Variants in RELCH observed in about 807,000 individuals in gnomAD.
The protein encoded by RELCH is RAB11-binding protein RELCH.
RELCH carries 41 observed loss-of-function variants against 150.3 expected under a neutral mutation model. The observed-to-expected ratio is 0.27, with a 90% confidence interval of 0.21 to 0.35. RELCH has a LOEUF of 0.35. Among genes scored for constraint, RELCH ranks in the 10% least tolerant of loss-of-function variants. RELCH has a pLI of 1.00. For missense variants in RELCH, 1,092 were observed against 1,467.8 expected (o/e 0.74, Z 4.18); for synonymous variants, 478 against 531.8 (o/e 0.90, Z 1.39).
chr18:62,277,953 T>C, intron 22 of RELCH: 1 of 529,856 alleles, frequency 1.9e-6, no homozygotes, highest in African/African-American at 2.0e-5. Flanking sequence ...CAGAGTTCCT[T>C]TGCAGGCCCT....
intron 1 of RELCH, among the ~76,000 whole-genome samples, chr18:62,204,581 C>T (rs977934168): frequency 1.3e-5 from 2 of 152,180 alleles, no homozygotes; most frequent in African/African-American, 4.8e-5. Context: ...CCGCCTCAGC[C>T]TCCCAAAGCG....
intron 18 of RELCH, 139 bp downstream of exon 18, chr18:62,264,991 G>T: frequency 7.9e-6 from 5 of 629,506 alleles, no homozygotes; most frequent in African/African-American, 1.9e-5. Flanking sequence ...TACTATGATA[G>T]TAAAAAAAAG....
intron 2 of RELCH, among the ~76,000 whole-genome samples, chr18:62,213,325 T>G (rs1215913358): frequency 6.6e-6 from 1 of 152,200 alleles, no homozygotes; most frequent in Non-Finnish European, 1.5e-5. Flanking sequence ...TTAAAACTTA[T>G]ATTTTAGATT....
chr18:62,235,906 T>C (rs908893777), intron 10 of RELCH, among the ~76,000 whole-genome samples: 6 of 152,028 alleles, frequency 3.9e-5, no homozygotes, highest in African/African-American at 9.7e-5. Context: ...CGTAGAGAGA[T>C]AGTTTTGCTT....
chr18:62,218,228 C>A (rs561019395), intron 2 of RELCH, among the ~76,000 whole-genome samples: 1 of 151,836 alleles, frequency 6.6e-6, no homozygotes, highest in East Asian at 1.9e-4. Context: ...AAAATTCTGA[C>A]TTGAAAGAAG....
chr18:62,237,006 A>G (rs1315893998), intron 10 of RELCH, among the ~76,000 whole-genome samples: 4 of 151,440 alleles, frequency 2.6e-5, no homozygotes, highest in Non-Finnish European at 4.4e-5. Flanking sequence ...ATTTTCATTC[A>G]TCTCAATGTT....
chr18:62,237,458 G>A (rs542716111), intron 10 of RELCH, among the ~76,000 whole-genome samples: 2 of 151,836 alleles, frequency 1.3e-5, no homozygotes, highest in Non-Finnish European at 3.0e-5. Flanking sequence ...ATTCAAATAT[G>A]TGATCTTTTC....
chr18:62,289,152 A>G lies in RELCH; in HGVS notation c.3370+1685A>G, dbSNP rs367763867. 6.6e-5 allele frequency among the ~76,000 whole-genome samples: 10 copies of G among 152,280 alleles called. No individual in the cohort carries two copies. In the East Asian group the frequency reaches 1.3e-3, roughly 21 times the overall value. On this transcript the variant is annotated intron_variant, in intron 26 of 28. Coordinates refer to ENST00000644646, the MANE Select transcript of RELCH (RefSeq NM_001346231.2). ...TTATTGTGTGTTTAGACATGCATAG[A>G]ATATCACTAGAGTAAATACAGTAAA... is the stretch of plus-strand genomic sequence containing the variant.
At chr18:62,225,579 A>C (rs1330216266) in intron 5 of RELCH, among the ~76,000 whole-genome samples, 1 of 152,058 alleles carries the variant, frequency 6.6e-6, no homozygotes, top group Non-Finnish European at 1.5e-5. Flanking sequence ...TAAGCACGTG[A>C]AAAAGATTCT....
In RELCH at chr18:62,188,078, T is replaced by C. The variant is rs2038275259; in HGVS notation, c.526+47T>C. 4 of 1,487,768 alleles carry C rather than the reference T, an allele frequency of 2.7e-6. No homozygotes were observed. In the South Asian group the frequency reaches 4.1e-5, roughly 15 times the overall value. The allele number at this position is 1,487,768 out of a possible 1,614,324, so 92.2% of individuals were successfully genotyped here. On this transcript the variant is annotated intron_variant, in intron 1 of 28. Coordinates refer to ENST00000644646, the MANE Select transcript of RELCH (RefSeq NM_001346231.2). ...CACTCCGGCAGGGTATTTGGGATTG[T>C]ACGGAGTTACTGTAGGGGAGAGGGG...
chr18:62,300,187 T>G (rs1420904283), intron 28 of RELCH: 1 of 152,256 alleles, frequency 6.6e-6, no homozygotes, highest in African/African-American at 2.4e-5. Context: ...ATTGCATTTC[T>G]CTTCTGTCTT....
In RELCH at chr18:62,200,964, C is replaced by CT. The variant is rs543882947; in HGVS notation, c.527-10162dup. 2.4e-3 allele frequency among the ~76,000 whole-genome samples: 131 copies of CT among 55,004 alleles called. 19 individuals carry two copies. Among genetic ancestry groups the CT allele is most frequent in the African/African-American group, 4.0e-3 (51 of 12,708 alleles). 36.1% of individuals were successfully genotyped at this position (55,004 alleles called of 152,430 possible). On this transcript the variant is annotated intron_variant, in intron 1 of 28. Coordinates refer to ENST00000644646, the MANE Select transcript of RELCH (RefSeq NM_001346231.2). ...TAAGTGAATAACTGTTTTTTCTTTG[C>CT]TTTTTTTTTTTTTTTTTTTTTTTTT... is the stretch of plus-strand genomic sequence containing the variant.
intron 1 of RELCH, among the ~76,000 whole-genome samples, chr18:62,198,830 C>T (rs2039226840): frequency 6.6e-6 from 1 of 151,860 alleles, no homozygotes; most frequent in Non-Finnish European, 1.5e-5. Context: ...ATTTATAAAC[C>T]TCACTAGGAA....
rs927797826 is a variant in RELCH at position 62,307,361 on chromosome 18, A to G, written c.*1827A>G. On this transcript the variant is annotated 3_prime_UTR_variant, in exon 29 of 29. Coordinates refer to ENST00000644646, the MANE Select transcript of RELCH (RefSeq NM_001346231.2). ...ACTCTGATTTGCTTCAAACTATAGT[A>G]GAATATGTGTATGTTTGTTATCAGG... 6.6e-6 allele frequency: 1 copy of G among 152,242 alleles called. No homozygotes were observed. The highest frequency in any genetic ancestry group is 1.9e-4 in the East Asian group (1 of 5,192). 9.4% of individuals were successfully genotyped at this position (152,242 alleles called of 1,614,324 possible).
At chr18:62,260,630 C>T (rs1176413691) in intron 15 of RELCH, among the ~76,000 whole-genome samples, 1 of 142,712 alleles carries the variant, frequency 7.0e-6, no homozygotes, top group East Asian at 2.5e-4. Flanking sequence ...ATATTTCTTA[C>T]AGCACTATTC....
intron 2 of RELCH, among the ~76,000 whole-genome samples, chr18:62,215,921 A>G (rs1229629571): frequency 6.6e-6 from 1 of 152,142 alleles, no homozygotes; most frequent in Non-Finnish European, 1.5e-5. Context: ...ACTTTTTTAG[A>G]TATTTTCCAT....
At chr18:62,303,912 G>A (rs1316051190) in intron 28 of RELCH, among the ~76,000 whole-genome samples, 1 of 152,226 alleles carries the variant, frequency 6.6e-6, no homozygotes, top group African/African-American at 2.4e-5. Context: ...ATGGAAGACT[G>A]TTGGAATCAC....
chr18:62,279,156 A>T (rs1377052745), intron 22 of RELCH, among the ~76,000 whole-genome samples: 1 of 152,168 alleles, frequency 6.6e-6, no homozygotes, highest in African/African-American at 2.4e-5. Flanking sequence ...CACATGGCTT[A>T]TATGTGGAGA....
intron 20 of RELCH, among the ~76,000 whole-genome samples, 189 bp from the exon 21 acceptor site, chr18:62,273,791 T>C (rs1174268086): frequency 6.6e-6 from 1 of 152,218 alleles, no homozygotes; most frequent in African/African-American, 2.4e-5. Flanking sequence ...AATTAAAGTA[T>C]CAAGATAGTC....
Sources: allele counts gnomAD v4.1 joint callset (sites outside exome capture counted in the v4.1 genomes callset), GRCh38; gene constraint gnomAD v4.1.1; transcripts MANE v1.5; gene names NCBI Gene and HGNC (gene_info 2026-07-23, HGNC 2026-07-21).